MIOX: variants seen among roughly 807,000 people sequenced by gnomAD.
MIOX encodes the protein inositol oxygenase.
MIOX carries 51 observed loss-of-function variants against 42.7 expected under a neutral mutation model. The ratio of observed to expected loss-of-function variants is 1.19; its 90% CI spans 0.95 to 1.51. The LOEUF (loss-of-function observed/expected upper bound fraction) is 1.51, where lower values mean the gene tolerates loss of function less well. Ranked by LOEUF, MIOX falls within the 40% of genes most tolerant of loss-of-function variation. The pLI is 0.00. For synonymous variants in MIOX, 168 were observed against 154.4 expected (o/e 1.09, Z -0.65); for missense variants, 395 against 381.3 (o/e 1.04, Z -0.30).
rs8140944 is a variant in MIOX at position 50,487,638 on chromosome 22, C to T, written c.97-24C>T. 6.9e-6 allele frequency: 11 copies of T among 1,604,994 alleles called. No homozygotes were observed. In the East Asian group the frequency reaches 1.1e-4, roughly 16 times the overall value. On this transcript the variant is annotated intron_variant, in intron 2 of 9. Coordinates refer to ENST00000216075, the MANE Select transcript of MIOX (RefSeq NM_017584.6). ...GGCCTCGTGTGCAGGGTGGGGGTGG[C>T]GCCACTGACCCTCCGGCCTGCAGTC... is the stretch of plus-strand genomic sequence containing the variant.
At position 50,489,554 on chromosome 22, in the gene MIOX, AC is replaced by A; in HGVS notation, c.660del (p.Ser221ProfsTer63). ...PPEAFYMIRF[H>X]SFYPWHTGRD... ...CAGGCTTTCTACATGATCCGGTTCCACTCCTTCTACCCCTGGCACACGGGCC... is the reference window on the plus strand; with the variant it reads ...CAGGCTTTCTACATGATCCGGTTCCATCCTTCTACCCCTGGCACACGGGCC... On this transcript the variant is annotated frameshift_variant, in exon 9 of 10. Coordinates refer to ENST00000216075, the MANE Select transcript of MIOX (RefSeq NM_017584.6). LOFTEE classifies it high-confidence loss of function. The A allele has an allele frequency of 6.2e-7, 1 of 1,611,740 alleles. No homozygotes were observed. The highest frequency in any genetic ancestry group is 1.1e-5 in the South Asian group (1 of 91,022).
At chr22:50,487,050 C>T in intron 1 of MIOX, 138 bp downstream of exon 1, 1 of 1,159,644 alleles carries the variant, frequency 8.6e-7, no homozygotes, top group South Asian at 1.3e-5. Flanking sequence ...TGCCGACCCC[C>T]AGGCTCCCTG....
chr22:50,487,862 C>T, intron 3 of MIOX, 24 bp from the exon 4 acceptor site: 1 of 1,613,274 alleles, frequency 6.2e-7, no homozygotes, highest in Non-Finnish European at 8.5e-7. Context: ...CCCTGGGCCA[C>T]ACTGCCTTCT....
chr22:50,489,369 G>C (rs777470010), intron 7 of MIOX, 28 bp from the exon 8 acceptor site: 2 of 1,539,896 alleles, frequency 1.3e-6, no homozygotes, highest in East Asian at 4.7e-5. Flanking sequence ...CAGAGGCAGT[G>C]CCTGCTGGTG....
rs1182887314 is a variant in MIOX, at chr22:50,488,449, A to AC, written c.408+113dup. 46 of 871,566 alleles carry AC rather than the reference A, an allele frequency of 5.3e-5. 1 individual carries two copies. Among genetic ancestry groups the AC allele is most frequent in the Admixed American group, 2.8e-4 (9 of 31,686 alleles). 54.0% of individuals were successfully genotyped at this position (871,566 alleles called of 1,614,324 possible). On this transcript the variant is annotated intron_variant, in intron 5 of 9. Transcript: ENST00000216075. ...TACTACCTGGGGGACAGGCCAGTGC[A>AC]CCCCCCACGGCCCCCCGACGGCTGC...
chr22:50,488,263 TC>T lies in MIOX; in HGVS notation c.341-7del. On this transcript the variant is annotated splice_polypyrimidine_tract_variant and intron_variant, in intron 4 of 9. Coordinates refer to ENST00000216075, the MANE Select transcript of MIOX (RefSeq NM_017584.6). ...TGCAGTCCCCAACCTGCCCTGTCCATCCCCCTCCCAGACTGGTTCCACCTCG... is the reference window on the plus strand; with the variant it reads ...TGCAGTCCCCAACCTGCCCTGTCCATCCCCTCCCAGACTGGTTCCACCTCG... The T allele has an allele frequency of 6.2e-7, 1 of 1,612,756 alleles. No homozygotes were observed. The highest frequency in any genetic ancestry group is 8.5e-7 in the Non-Finnish European group (1 of 1,179,328).
rs377490127 is a variant in MIOX, at chr22:50,488,289, G to A, written c.355G>A (p.Val119Ile). 11 of 1,613,112 alleles carry A rather than the reference G, an allele frequency of 6.8e-6. No homozygotes were observed. The highest frequency in any genetic ancestry group is 1.6e-4 in the Middle Eastern group (1 of 6,078). ...AHPDKDWFHLVGLLHDLGKVL... is the reference protein window; with the variant it reads ...AHPDKDWFHLIGLLHDLGKVL... ...CCCCCTCCCAGACTGGTTCCACCTC[G>A]TCGGGCTCCTGCACGACCTGGGGAA... The change falls in exon 5 of 10, where the codon GTC becomes ATC. Residue 119 changes from valine to isoleucine, a missense_variant. Coordinates refer to ENST00000216075, the MANE Select transcript of MIOX (RefSeq NM_017584.6).
chr22:50,489,385 C>G lies in MIOX; in HGVS notation c.587-12C>G. 6.4e-7 allele frequency: 1 copy of G among 1,574,020 alleles called. No individual in the cohort carries two copies. The highest frequency in any genetic ancestry group is 8.6e-7 in the Non-Finnish European group (1 of 1,164,782). ...AGAGGCAGTGCCTGCTGGTGACACC[C>G]TCTCCCCACAGAGTACATGTACCAG... On this transcript the variant is annotated splice_polypyrimidine_tract_variant and intron_variant, in intron 7 of 9. Transcript: ENST00000216075.
Position 50,488,760 on chromosome 22 carries a change from T to C in MIOX, c.409-280T>C, listed in dbSNP as rs1482574877. ...GCCCCCCATGGCTGCCTGTCCCTCC[T>C]GTCCCTCCTGTCCCTCCCATCCCTC... On this transcript the variant is annotated intron_variant, in intron 5 of 9. Transcript: ENST00000216075. 1.6e-3 allele frequency among the ~76,000 whole-genome samples: 109 copies of C among 69,134 alleles called. 1 individual carries two copies. Among genetic ancestry groups the C allele is most frequent in the African/African-American group, 6.9e-3 (95 of 13,842 alleles). 45.4% of individuals were successfully genotyped at this position (69,134 alleles called of 152,430 possible). A position where few individuals can be genotyped will look rare whatever the true frequency, so the allele number is the denominator to read the frequency against.
Position 50,489,386 on chromosome 22 carries a change from T to A in MIOX, c.587-11T>A. The A allele has an allele frequency of 6.3e-7, 1 of 1,575,342 alleles. No individual in the cohort carries two copies. Among genetic ancestry groups the A allele is most frequent in the African/African-American group, 1.3e-5 (1 of 74,202 alleles). ...GAGGCAGTGCCTGCTGGTGACACCC[T>A]CTCCCCACAGAGTACATGTACCAGG... is the stretch of plus-strand genomic sequence containing the variant. On this transcript the variant is annotated splice_polypyrimidine_tract_variant and intron_variant, in intron 7 of 9. Coordinates refer to ENST00000216075, the MANE Select transcript of MIOX (RefSeq NM_017584.6).
chr22:50,489,006 C>T, intron 5 of MIOX, 34 bp from the exon 6 acceptor site: 2 of 928,850 alleles, frequency 2.2e-6, no homozygotes, highest in Non-Finnish European at 3.0e-6. Context: ...CCCCACTCCC[C>T]CCATGGCCTC....
chr22:50,489,583 G>A lies in MIOX; in HGVS notation c.688G>A (p.Asp230Asn), dbSNP rs41280567. ...CTTCTACCCCTGGCACACGGGCCGC[G>A]ACTACCAGCAGCTGTGCAGCCAGCA... ...HSFYPWHTGR[D>N]YQQLCSQQDL... is the part of the protein sequence containing the mutation. The change falls in exon 9 of 10, where the codon GAC (aspartate) becomes AAC (asparagine). Residue 230 changes from aspartate (D) to asparagine (N), a missense_variant. By Grantham distance (23) the Asp-to-Asn change is conservative. Coordinates refer to ENST00000216075, the MANE Select transcript of MIOX (RefSeq NM_017584.6). 0.016 allele frequency: 26,202 copies of A among 1,612,466 alleles called. 310 individuals are homozygous for A. The highest frequency in any genetic ancestry group is 0.02 in the Non-Finnish European group (23,929 of 1,179,834).
chr22:50,489,635 G>A lies in MIOX; in HGVS notation c.740G>A (p.Arg247Gln), dbSNP rs556477098. Residue 247 changes from arginine (R) to glutamine (Q), a missense_variant, in exon 9 of 10, where the codon CGG becomes CAG. By Grantham distance (43) the Arg-to-Gln change is conservative. Transcript: ENST00000216075. ...QQDLAMLPWV[R>Q]EFNKFDLYTK... ...GACCTGGCCATGCTGCCCTGGGTGCGGGAGTTCAAGTACGCCCCGCTACCC... is the reference window on the plus strand; with the variant it reads ...GACCTGGCCATGCTGCCCTGGGTGCAGGAGTTCAAGTACGCCCCGCTACCC... 15 of 1,611,650 alleles carry A rather than the reference G, an allele frequency of 9.3e-6. No individual in the cohort carries two copies. Among genetic ancestry groups the A allele is most frequent in the African/African-American group, 4.0e-5 (3 of 74,952 alleles).
Position 50,489,899 on chromosome 22 carries a change from T to C in MIOX, c.*43T>C. ...CTGCTGCTGGACCTAGGCCTGGCCC[T>C]CCGCCTGCCTGGAGAGGCCTGGCCC... On this transcript the variant is annotated 3_prime_UTR_variant, in exon 10 of 10. Transcript: ENST00000216075. The C allele has an allele frequency of 6.4e-7, 1 of 1,567,714 alleles. No individual in the cohort carries two copies. Among genetic ancestry groups the C allele is most frequent in the Non-Finnish European group, 8.7e-7 (1 of 1,146,448 alleles).
rs774248435 is a variant in MIOX, at chr22:50,489,712, G to A, written c.750-36G>A. ...AGGGGGTTGGGTGGGGGGCCTGGGG[G>A]TTCTTCACGGGGCTCACCGCCCCTC... On this transcript the variant is annotated intron_variant, in intron 9 of 9. Coordinates refer to ENST00000216075, the MANE Select transcript of MIOX (RefSeq NM_017584.6). 1.9e-5 allele frequency: 30 copies of A among 1,608,204 alleles called. 1 individual carries two copies. Among genetic ancestry groups the A allele is most frequent in the Admixed American group, 3.3e-5 (2 of 59,956 alleles).
chr22:50,487,162 ACTTT>A (rs1286588149), intron 1 of MIOX, among the ~76,000 whole-genome samples: 1 of 152,070 alleles, frequency 6.6e-6, no homozygotes, highest in Non-Finnish European at 1.5e-5. Flanking sequence ...ACGTCTGCTG[ACTTT>A]CGCTTTGCAG....
In MIOX at chr22:50,489,396, G is replaced by C. The variant is rs2068329376; in HGVS notation, c.587-1G>C. ...CTGCTGGTGACACCCTCTCCCCACA[G>C]AGTACATGTACCAGGTGATGAAGTT... is the stretch of plus-strand genomic sequence containing the variant. On this transcript the variant is annotated splice_acceptor_variant, in intron 7 of 9. Coordinates refer to ENST00000216075, the MANE Select transcript of MIOX (RefSeq NM_017584.6). LOFTEE classifies it high-confidence loss of function. 4 of 1,588,358 alleles carry C rather than the reference G, an allele frequency of 2.5e-6. No homozygotes were observed. The highest frequency in any genetic ancestry group is 2.6e-6 in the Non-Finnish European group (3 of 1,171,464).
Position 50,488,346 on chromosome 22 carries a change from AGAGTTG to A in MIOX, c.408+7_408+12del, listed in dbSNP as rs755859262. 2 of 1,592,696 alleles carry A rather than the reference AGAGTTG, an allele frequency of 1.3e-6. No homozygotes were observed. The highest frequency in any genetic ancestry group is 4.5e-5 in the East Asian group (2 of 44,550). The stretch of plus-strand genomic sequence containing the variant: ...GGCCCTGTTCGGGGAGCCCCAGGTA[AGAGTTG>A]GAAGTGGAGGGTGAGGAGGCTGCAT... On this transcript the variant is annotated splice_donor_5th_base_variant and intron_variant, in intron 5 of 9. Transcript: ENST00000216075.
Position 50,490,140 on chromosome 22 carries a change from T to A in MIOX, c.*284T>A. The A allele has an allele frequency of 2.1e-6, 1 of 484,098 alleles. No individual in the cohort carries two copies. The highest frequency in any genetic ancestry group is 3.7e-5 in the East Asian group (1 of 26,868). The allele number at this position is 484,098 out of a possible 1,614,324, so 30.0% of individuals were successfully genotyped here. ...AGGCCAAGTCCCAGGCTTTCAGGTG[T>A]GTGTGTCCCACCACACTGGCCGTGG... is the stretch of plus-strand genomic sequence containing the variant. On this transcript the variant is annotated 3_prime_UTR_variant, in exon 10 of 10. Coordinates refer to ENST00000216075, the MANE Select transcript of MIOX (RefSeq NM_017584.6).
Sources: allele counts gnomAD v4.1 joint callset (sites outside exome capture counted in the v4.1 genomes callset), GRCh38; gene constraint gnomAD v4.1.1; transcripts MANE v1.5; gene names NCBI Gene and HGNC (gene_info 2026-07-23, HGNC 2026-07-21).